Variants in NEGR1 observed in about 807,000 individuals in gnomAD.
NEGR1 encodes IgLON family member 4.
In NEGR1, 10 loss-of-function variants were observed where a neutral mutation model predicts 40.9. The observed-to-expected ratio is 0.24, with a 90% confidence interval of 0.15 to 0.42. NEGR1 has a LOEUF of 0.42. Among genes scored for constraint, NEGR1 ranks in the 10% least tolerant of loss-of-function variants. The pLI, the probability that NEGR1 is intolerant of heterozygous loss-of-function variation, is 1.00. For synonymous variants in NEGR1, 185 were observed against 166.8 expected (o/e 1.11, Z -0.84); for missense variants, 352 against 438.9 (o/e 0.80, Z 1.77).
chr1:71,546,489 T>A (rs543259172), intron 6 of NEGR1, among the ~76,000 whole-genome samples: 1 of 151,656 alleles, frequency 6.6e-6, no homozygotes, highest in East Asian at 2.0e-4. Flanking sequence ...AAAGAAGGCA[T>A]ATAGGTGTTT....
At chr1:72,234,251 C>T (rs1361198180) in intron 1 of NEGR1, among the ~76,000 whole-genome samples, 1 of 152,024 alleles carries the variant, frequency 6.6e-6, no homozygotes. Context: ...TTTTCTGTTC[C>T]TGTGTTAGTT....
At chr1:71,650,131 T>G (rs989771667) in intron 4 of NEGR1, among the ~76,000 whole-genome samples, 8 of 151,974 alleles carry the variant, frequency 5.3e-5, no homozygotes, top group African/African-American at 1.9e-4. Flanking sequence ...TAAAAAGAAA[T>G]GAAAAGATGA....
intron 1 of NEGR1, among the ~76,000 whole-genome samples, chr1:71,989,566 C>T (rs1646431883): frequency 6.6e-6 from 1 of 150,412 alleles, no homozygotes; most frequent in South Asian, 2.1e-4. Context: ...TTTAATCCAT[C>T]TTTAAAAATG....
chr1:72,072,680 A>C (rs1234596871), intron 1 of NEGR1, among the ~76,000 whole-genome samples: 1 of 152,120 alleles, frequency 6.6e-6, no homozygotes, highest in Non-Finnish European at 1.5e-5. Context: ...CTCTCTGTGT[A>C]ACACAAAGGC....
At position 71,739,224 on chromosome 1, in the gene NEGR1, A is replaced by C. The variant is rs1453991030; in HGVS notation, c.535+36948T>G. Among the ~76,000 whole-genome samples, 725 of 151,180 alleles carry C rather than the reference A, an allele frequency of 4.8e-3. 6 individuals carry two copies. Among genetic ancestry groups the C allele is most frequent in the African/African-American group, 0.016 (664 of 40,844 alleles). ...GAAAAAAAAAAAAAAAAAACAAAAA[A>C]AAAAAACGTGAAAAGACTAGACTCG... On this transcript the variant is annotated intron_variant, in intron 3 of 6. Coordinates refer to ENST00000357731, the MANE Select transcript of NEGR1 (RefSeq NM_173808.3).
intron 6 of NEGR1, among the ~76,000 whole-genome samples, chr1:71,505,919 A>C (rs1169500753): frequency 6.6e-6 from 1 of 152,110 alleles, no homozygotes; most frequent in African/African-American, 2.4e-5. Context: ...GAGCTTACTT[A>C]ATTTCCTAGG....
Position 72,248,575 on chromosome 1 carries a change from TTTATTATTA to T in NEGR1, c.176+33735_176+33743del, listed in dbSNP as rs201326223. Among the ~76,000 whole-genome samples the T allele has an allele frequency of 3.1e-3, 412 of 132,936 alleles. 4 individuals are homozygous for T. Among genetic ancestry groups the T allele is most frequent in the South Asian group, 6.7e-3 (27 of 4,040 alleles). 87.2% of individuals were successfully genotyped at this position (132,936 alleles called of 152,430 possible). On this transcript the variant is annotated intron_variant, in intron 1 of 6. Coordinates refer to ENST00000357731, the MANE Select transcript of NEGR1 (RefSeq NM_173808.3). ...GCCCAGCCTGAGACTTCTATTTTTA[TTTATTATTA>T]TTATTATTATTATTATTATTATTAT... is the stretch of plus-strand genomic sequence containing the variant.
At chr1:71,927,346 CA>C (rs1645783814) in intron 2 of NEGR1, among the ~76,000 whole-genome samples, 1 of 152,044 alleles carries the variant, frequency 6.6e-6, no homozygotes, top group Non-Finnish European at 1.5e-5. Flanking sequence ...GTTTTTCTGT[CA>C]AGGTATATTT....
chr1:72,139,440 A>G (rs967702458), intron 1 of NEGR1, among the ~76,000 whole-genome samples: 2 of 152,052 alleles, frequency 1.3e-5, no homozygotes, highest in Non-Finnish European at 2.9e-5. Context: ...ATCATTATCA[A>G]GAAATATGTA....
At chr1:71,809,619 T>C (rs1301149806) in intron 2 of NEGR1, among the ~76,000 whole-genome samples, 1 of 152,120 alleles carries the variant, frequency 6.6e-6, no homozygotes, top group Admixed American at 6.6e-5. Context: ...CAATAATGAA[T>C]AAAAGTAAAC....
In NEGR1 at chr1:71,834,607, T is replaced by C. The variant is rs191584384; in HGVS notation, c.410-58310A>G. ...GAGTGACTTATACAACTGGCTTTCC[T>C]GGGCCCCCACTTTCAGAAAACACAT... On this transcript the variant is annotated intron_variant, in intron 2 of 6. Coordinates refer to ENST00000357731, the MANE Select transcript of NEGR1 (RefSeq NM_173808.3). Among the ~76,000 whole-genome samples, 73 of 152,130 alleles carry C rather than the reference T, an allele frequency of 4.8e-4. No individual in the cohort carries two copies. The Middle Eastern group carries it at 0.014, about 28-fold the overall frequency.
intron 4 of NEGR1, among the ~76,000 whole-genome samples, chr1:71,676,421 G>C (rs914049116): frequency 6.6e-6 from 1 of 151,970 alleles, no homozygotes; most frequent in Non-Finnish European, 1.5e-5. Flanking sequence ...GCACCAGTGC[G>C]CTACAAACAA....
intron 2 of NEGR1, among the ~76,000 whole-genome samples, chr1:71,793,713 C>G (rs975424411): frequency 6.6e-6 from 1 of 151,594 alleles, no homozygotes; most frequent in African/African-American, 2.4e-5. Context: ...AAAAATTTTG[C>G]CTAAGCAAGT....
intron 4 of NEGR1, among the ~76,000 whole-genome samples, chr1:71,642,022 TG>T (rs1651371803): frequency 6.6e-6 from 1 of 151,986 alleles, no homozygotes; most frequent in Admixed American, 6.6e-5. Flanking sequence ...CTGATAGCTC[TG>T]TCCAAGTTCC....
intron 1 of NEGR1, among the ~76,000 whole-genome samples, chr1:72,028,337 ATTATAC>A (rs1000148852): frequency 3.3e-5 from 5 of 152,226 alleles, no homozygotes; most frequent in African/African-American, 7.2e-5. Context: ...AAAAGTATGA[ATTATAC>A]TTATACTCTA....
At chr1:72,061,409 A>AT (rs1202661310) in intron 1 of NEGR1, among the ~76,000 whole-genome samples, 4 of 151,814 alleles carry the variant, frequency 2.6e-5, no homozygotes, top group Middle Eastern at 3.4e-3. Context: ...ATTTAATGGG[A>AT]TTTTTTTCCA....
At position 71,396,909 on chromosome 1, in the gene NEGR1, G is replaced by C. The variant is rs533208460; in HGVS notation, c.*10537C>G. The C allele has an allele frequency of 6.5e-6, 1 of 154,576 alleles. No homozygotes were observed. Among genetic ancestry groups the C allele is most frequent in the Admixed American group, 6.5e-5 (1 of 15,328 alleles). 9.6% of individuals were successfully genotyped at this position (154,576 alleles called of 1,614,324 possible). ...TGACTAATATAGTAAATTAGTATCA[G>C]GAGTGGAGTGCTGCTGAAAAGATAC... On this transcript the variant is annotated 3_prime_UTR_variant, in exon 7 of 7. Coordinates refer to ENST00000357731, the MANE Select transcript of NEGR1 (RefSeq NM_173808.3).
At chr1:71,530,941 A>G (rs529958203) in intron 6 of NEGR1, among the ~76,000 whole-genome samples, 18 of 151,210 alleles carry the variant, frequency 1.2e-4, no homozygotes, top group Admixed American at 9.9e-4. Context: ...CTACACTTCT[A>G]TCATACTATG....
intron 1 of NEGR1, among the ~76,000 whole-genome samples, chr1:72,105,748 G>T (rs1649111004): frequency 1.3e-5 from 2 of 152,040 alleles, no homozygotes; most frequent in Non-Finnish European, 2.9e-5. Flanking sequence ...AAAGGAATGG[G>T]TAGGGAAAGG....
Sources: gnomAD v4.1 joint callset for allele counts (sites outside exome capture counted in the v4.1 genomes callset) on GRCh38, gnomAD v4.1.1 for gene constraint, MANE v1.5 for transcripts, NCBI Gene and HGNC (gene_info 2026-07-23, HGNC 2026-07-21) for gene names.